ITGA9: variants seen among roughly 807,000 people sequenced by gnomAD.
ITGA9 encodes integrin alpha-9.
A neutral mutation model predicts 127.8 loss-of-function variants in ITGA9; 56 were observed. That is an observed-to-expected ratio of 0.44 (90% CI 0.35 to 0.55). The LOEUF (loss-of-function observed/expected upper bound fraction) is 0.55. Ranked by LOEUF, ITGA9 falls within the 20% of genes least tolerant of loss-of-function variation. The pLI is 0.00. For synonymous variants in ITGA9, 508 were observed against 514.5 expected (o/e 0.99, Z 0.17); for missense variants, 1,196 against 1,347.1 (o/e 0.89, Z 1.76).
intron 15 of ITGA9, among the ~76,000 whole-genome samples, chr3:37,624,754 G>T (rs1700161030): frequency 6.6e-6 from 1 of 152,080 alleles, no homozygotes; most frequent in Admixed American, 6.5e-5. Context: ...TTATAGGCGT[G>T]CTCCACCACG....
At chr3:37,689,152 T>C (rs1337743824) in intron 18 of ITGA9, among the ~76,000 whole-genome samples, 1 of 152,258 alleles carries the variant, frequency 6.6e-6, no homozygotes, top group Non-Finnish European at 1.5e-5. Context: ...ACCTATCTTC[T>C]CTGTCATCAC....
intron 17 of ITGA9, among the ~76,000 whole-genome samples, chr3:37,665,837 G>A (rs1338236229): frequency 1.3e-5 from 2 of 152,194 alleles, no homozygotes; most frequent in Non-Finnish European, 2.9e-5. Context: ...ACATGTGGGT[G>A]TCTTCCGTGG....
intron 15 of ITGA9, among the ~76,000 whole-genome samples, chr3:37,611,199 C>T (rs1700013038): frequency 6.6e-6 from 1 of 152,204 alleles, no homozygotes; most frequent in Non-Finnish European, 1.5e-5. Flanking sequence ...CTGTTCTATG[C>T]ACTGTGCTAA....
At chr3:37,596,644 G>A (rs990759870) in intron 15 of ITGA9, among the ~76,000 whole-genome samples, 11 of 152,272 alleles carry the variant, frequency 7.2e-5, no homozygotes, top group Admixed American at 3.9e-4. Context: ...CTGGCTAGGA[G>A]CTATTTAAAA....
Position 37,473,338 on chromosome 3 carries a change from TCTC to T in ITGA9, c.314-12_314-10del. 8 of 1,610,430 alleles carry T rather than the reference TCTC, an allele frequency of 5.0e-6. No homozygotes were observed. Among genetic ancestry groups the T allele is most frequent in the South Asian group, 1.1e-5 (1 of 90,988 alleles). On this transcript the variant is annotated splice_polypyrimidine_tract_variant and intron_variant, in intron 2 of 27. Transcript: ENST00000264741. ...CACTCCTCAACCCAAGTCTGGCTCT[TCTC>T]CTCTTTCTCCAGGGAAGAATCGGGG...
At chr3:37,544,836 C>T (rs1221941563) in intron 15 of ITGA9, among the ~76,000 whole-genome samples, 2 of 152,210 alleles carry the variant, frequency 1.3e-5, no homozygotes, top group Non-Finnish European at 2.9e-5. Context: ...GTTCAAGAGG[C>T]AACATTGTTG....
At chr3:37,515,603 G>A (rs888934177) in intron 9 of ITGA9, among the ~76,000 whole-genome samples, 19 of 152,194 alleles carry the variant, frequency 1.2e-4, no homozygotes, top group African/African-American at 3.9e-4. Context: ...TTAGCCTGGT[G>A]TGGTGGTGCT....
chr3:37,585,936 G>A (rs1007692493), intron 15 of ITGA9, among the ~76,000 whole-genome samples: 27 of 152,188 alleles, frequency 1.8e-4, no homozygotes, highest in African/African-American at 6.3e-4. Context: ...TGTTTTCAAC[G>A]TGTATCCTGA....
intron 8 of ITGA9, among the ~76,000 whole-genome samples, chr3:37,512,076 C>T (rs1230522549): frequency 3.6e-5 from 2 of 56,202 alleles, no homozygotes; most frequent in East Asian, 5.6e-4. Flanking sequence ...TTCTTTCTTT[C>T]CTTCCTTCCT....
chr3:37,738,804 C>A (rs761270596), intron 20 of ITGA9, among the ~76,000 whole-genome samples: 11 of 152,230 alleles, frequency 7.2e-5, no homozygotes, highest in Non-Finnish European at 1.5e-4. Flanking sequence ...ATAGAAGACA[C>A]TTCCTGCCTC....
intron 15 of ITGA9, among the ~76,000 whole-genome samples, chr3:37,592,714 T>G (rs907597334): frequency 6.6e-6 from 1 of 152,122 alleles, no homozygotes; most frequent in African/African-American, 2.4e-5. Flanking sequence ...CAAGGACCCC[T>G]TGGGTTTCTG....
chr3:37,674,804 A>G (rs1700666745), intron 17 of ITGA9, among the ~76,000 whole-genome samples: 1 of 152,180 alleles, frequency 6.6e-6, no homozygotes, highest in African/African-American at 2.4e-5. Context: ...CTTGAACCAC[A>G]TCAGTAGAAA....
intron 26 of ITGA9, among the ~76,000 whole-genome samples, chr3:37,791,077 T>C (rs934147792): frequency 6.6e-6 from 1 of 152,076 alleles, no homozygotes; most frequent in African/African-American, 2.4e-5. Flanking sequence ...CAGGTGAGGC[T>C]GAGGGGTGAA....
intron 27 of ITGA9, among the ~76,000 whole-genome samples, chr3:37,805,479 C>T (rs886087170): frequency 6.6e-6 from 1 of 152,164 alleles, no homozygotes; most frequent in Non-Finnish European, 1.5e-5. Flanking sequence ...CTGCAGTCTA[C>T]TCATCCAGTC....
At chr3:37,637,706 T>C (rs529587107) in intron 16 of ITGA9, among the ~76,000 whole-genome samples, 1 of 152,280 alleles carries the variant, frequency 6.6e-6, no homozygotes, top group South Asian at 2.1e-4. Flanking sequence ...CAAAGAATCC[T>C]CTGTCACACA....
chr3:37,637,665 T>C (rs960329257), intron 16 of ITGA9, among the ~76,000 whole-genome samples: 10 of 148,334 alleles, frequency 6.7e-5, no homozygotes, highest in African/African-American at 2.6e-4. Context: ...AACTATGTTT[T>C]TGTTTTTGTT....
At chr3:37,651,508 C>T (rs1043503054) in intron 16 of ITGA9, among the ~76,000 whole-genome samples, 4 of 152,190 alleles carry the variant, frequency 2.6e-5, no homozygotes, top group African/African-American at 9.7e-5. Context: ...AACTACATGC[C>T]AGGCCCTAAG....
chr3:37,750,485 C>T lies in ITGA9; in HGVS notation c.2457C>T (p.Thr819=), dbSNP rs1283254327. 1 of 1,613,372 alleles carries T rather than the reference C, an allele frequency of 6.2e-7. No homozygotes were observed. The highest frequency in any genetic ancestry group is 8.5e-7 in the Non-Finnish European group (1 of 1,179,384). The change falls in exon 23 of 28, where the codon ACC becomes ACT. Residue 819 remains threonine (T), a synonymous_variant. Transcript: ENST00000264741. ...AGGTCTACAACACTGGCCCAAGCAC[C>T]CTTCCAGGGTCATCTGTCAGCATCT... is the stretch of plus-strand genomic sequence containing the variant. ...TLQVYNTGPS[T]LPGSSVSISF...
At chr3:37,763,678 C>T (rs917533038) in intron 23 of ITGA9, among the ~76,000 whole-genome samples, 2 of 152,206 alleles carry the variant, frequency 1.3e-5, no homozygotes, top group African/African-American at 4.8e-5. Flanking sequence ...CAAGAAGTCT[C>T]CCCTGCAGCC....
Sources: gnomAD v4.1 joint callset for allele counts (sites outside exome capture counted in the v4.1 genomes callset) on GRCh38, gnomAD v4.1.1 for gene constraint, MANE v1.5 for transcripts, NCBI Gene and HGNC (gene_info 2026-07-23, HGNC 2026-07-21) for gene names.